The following SEMA6D variants were observed in gnomAD, a reference collection of about 807,000 sequenced individuals.
SEMA6D encodes the protein semaphorin-6D.
Under a neutral mutation model 106.6 loss-of-function variants are expected in SEMA6D, and 35 were observed. The observed-to-expected ratio is 0.33, with a 90% CI of 0.25 to 0.44. The LOEUF (loss-of-function observed/expected upper bound fraction) is 0.44. Ranked by LOEUF, SEMA6D falls within the 20% of genes least tolerant of loss-of-function variation. The probability of loss-of-function intolerance (pLI) is 1.00; values close to 1 mark genes in which losing one functional copy is unlikely to be tolerated. For synonymous variants in SEMA6D, 499 were observed against 487.7 expected, an observed-to-expected ratio of 1.02 and a Z score of -0.31; for missense variants, 1,185 against 1,345.9, an observed-to-expected ratio of 0.88 and a Z score of 1.87.
At chr15:47,666,731 C>T (rs1461133556) in intron 4 of SEMA6D, among the ~76,000 whole-genome samples, 1 of 152,110 alleles carries the variant, frequency 6.6e-6, no homozygotes, top group African/African-American at 2.4e-5. Context: ...GTTCTTTCTC[C>T]CTATTCTTTA....
At chr15:47,715,565 G>A (rs1268788223), upstream of SEMA6D, among the ~76,000 whole-genome samples, 1 of 152,176 alleles carries the variant, frequency 6.6e-6, no homozygotes, top group Non-Finnish European at 1.5e-5. Context: ...CAAATATAGG[G>A]ATCGACTCCG....
chr15:47,700,378 A>G (rs1006244405), intron 4 of SEMA6D, among the ~76,000 whole-genome samples: 3 of 152,104 alleles, frequency 2.0e-5, no homozygotes, highest in Non-Finnish European at 4.4e-5. Context: ...ATTTTTTAAA[A>G]AACAAAAATT....
intron 1 of SEMA6D, among the ~76,000 whole-genome samples, chr15:47,195,895 A>T (rs1894308592): frequency 6.6e-6 from 1 of 151,636 alleles, no homozygotes; most frequent in Non-Finnish European, 1.5e-5. Context: ...ACAGATGGGG[A>T]TTCAACGTGG....
intron 3 of SEMA6D, among the ~76,000 whole-genome samples, chr15:47,580,619 A>G (rs1478597477): frequency 1.3e-5 from 2 of 152,126 alleles, no homozygotes; most frequent in Non-Finnish European, 2.9e-5. Flanking sequence ...AGTATGTCGA[A>G]AAAAAAACCC....
intron 1 of SEMA6D, among the ~76,000 whole-genome samples, chr15:47,358,671 G>A (rs1002281465): frequency 6.6e-6 from 1 of 152,220 alleles, no homozygotes; most frequent in African/African-American, 2.4e-5. Context: ...TCATGGGACA[G>A]AAGTAGTAAT....
intron 1 of SEMA6D, chr15:47,274,414 T>G (rs1344413512): frequency 6.6e-6 from 1 of 152,174 alleles, no homozygotes; most frequent in African/African-American, 2.4e-5. Context: ...TGCTGTAATA[T>G]TAACTTAAAA....
chr15:47,710,262 T>C (rs2078990050), intron 4 of SEMA6D, among the ~76,000 whole-genome samples: 1 of 152,234 alleles, frequency 6.6e-6, no homozygotes, highest in Non-Finnish European at 1.5e-5. Flanking sequence ...CATTTCTTCT[T>C]ATTTTAATAT....
intron 1 of SEMA6D, among the ~76,000 whole-genome samples, chr15:47,324,769 T>C (rs1462043213): frequency 6.6e-6 from 1 of 151,676 alleles, no homozygotes; most frequent in Non-Finnish European, 1.5e-5. Context: ...TATAGTAATG[T>C]ACGCTATTAT....
intron 1 of SEMA6D, among the ~76,000 whole-genome samples, chr15:47,380,899 C>T (rs1168127302): frequency 6.6e-6 from 1 of 152,220 alleles, no homozygotes; most frequent in Non-Finnish European, 1.5e-5. Flanking sequence ...AACTCTAGAG[C>T]TTCCAGTCAA....
intron 3 of SEMA6D, among the ~76,000 whole-genome samples, chr15:47,553,785 A>G (rs2045836539): frequency 6.6e-6 from 1 of 152,182 alleles, no homozygotes; most frequent in Non-Finnish European, 1.5e-5. Context: ...AGTGCATTAC[A>G]TATGAGGGAC....
At chr15:47,686,961 G>A (rs1015816322) in intron 4 of SEMA6D, among the ~76,000 whole-genome samples, 54 of 151,524 alleles carry the variant, frequency 3.6e-4, no homozygotes, top group African/African-American at 1.2e-3. Flanking sequence ...AGCTACTCAG[G>A]AGGCTGAGGC....
chr15:47,366,270 G>A (rs2039026768), intron 1 of SEMA6D, among the ~76,000 whole-genome samples: 2 of 152,320 alleles, frequency 1.3e-5, no homozygotes, highest in South Asian at 4.1e-4. Flanking sequence ...TGGATACAGA[G>A]AGTGCACTGT....
chr15:47,463,424 T>G (rs189170993), intron 2 of SEMA6D, among the ~76,000 whole-genome samples: 1 of 152,316 alleles, frequency 6.6e-6, no homozygotes, highest in East Asian at 1.9e-4. Flanking sequence ...ATATGTCTCC[T>G]TTAAATCTTA....
chr15:47,286,772 T>C (rs2035381337), intron 1 of SEMA6D, among the ~76,000 whole-genome samples: 1 of 152,194 alleles, frequency 6.6e-6, no homozygotes, highest in Admixed American at 6.5e-5. Context: ...TCTTAGGGAA[T>C]ATCCTCTAGC....
At chr15:47,277,651 G>A (rs2034890868) in intron 1 of SEMA6D, among the ~76,000 whole-genome samples, 1 of 149,650 alleles carries the variant, frequency 6.7e-6, no homozygotes, top group Non-Finnish European at 1.5e-5. Context: ...TAGGGTACAT[G>A]TGCACAATGT....
intron 1 of SEMA6D, among the ~76,000 whole-genome samples, chr15:47,386,845 G>A (rs2039855716): frequency 6.6e-6 from 1 of 152,210 alleles, no homozygotes; most frequent in Admixed American, 6.5e-5. Flanking sequence ...ACATCCTACA[G>A]GCCAGTTGGG....
intron 4 of SEMA6D, among the ~76,000 whole-genome samples, chr15:47,645,310 G>A (rs539817986): frequency 6.6e-6 from 1 of 152,126 alleles, no homozygotes; most frequent in Non-Finnish European, 1.5e-5. Context: ...GCCACCATGG[G>A]TATTTTATAA....
chr15:47,762,064 G>A (rs2082087944), intron 7 of SEMA6D, 136 bp from the exon 8 acceptor site: 2 of 944,100 alleles, frequency 2.1e-6, no homozygotes, highest in South Asian at 3.3e-5. Flanking sequence ...TTGATGGTGA[G>A]AATCAGGTGT....
intron 1 of SEMA6D, among the ~76,000 whole-genome samples, chr15:47,238,927 G>C (rs1260305793): frequency 6.6e-6 from 1 of 152,148 alleles, no homozygotes; most frequent in African/African-American, 2.4e-5. Context: ...TTGCATACTT[G>C]AGAAAATGAT....
Sources: allele counts gnomAD v4.1 joint callset (sites outside exome capture counted in the v4.1 genomes callset), GRCh38; gene constraint gnomAD v4.1.1; transcripts MANE v1.5; gene names NCBI Gene and HGNC (gene_info 2026-07-23, HGNC 2026-07-21).